The following PROM2 variants were observed in gnomAD, a reference collection of about 807,000 sequenced individuals.
PROM2 encodes the protein prominin 2.
A neutral mutation model predicts 110.2 loss-of-function variants in PROM2; 90 were observed. The ratio of observed to expected loss-of-function variants is 0.82; its 90% confidence interval spans 0.69 to 0.97. The LOEUF is 0.97. PROM2 is among the 50% of genes least tolerant of loss of function. The pLI is 0.00. For missense variants in PROM2, 1,009 were observed against 1,074.8 expected, an observed-to-expected ratio of 0.94 and a Z score of 0.86; for synonymous variants, 470 against 467.8, an observed-to-expected ratio of 1.00 and a Z score of -0.06.
chr2:95,284,465 T>C (rs987307170), intron 14 of PROM2, among the ~76,000 whole-genome samples: 33 of 150,860 alleles, frequency 2.2e-4, no homozygotes, highest in Admixed American at 2.2e-3. Flanking sequence ...CCCTCCAGCC[T>C]GGGCAACAGA....
chr2:95,276,538 G>A lies in PROM2; in HGVS notation c.619-56G>A, dbSNP rs1380792757. 1.9e-6 allele frequency: 3 copies of A among 1,611,958 alleles called. No homozygotes were observed. The highest frequency in any genetic ancestry group is 2.5e-6 in the Non-Finnish European group (3 of 1,178,158). ...CAGGGAAGGGGCCAGGGAGAGAAGG[G>A]CGTAAGGACTGTGGGTGACCAGGAA... On this transcript the variant is annotated intron_variant, in intron 4 of 23. Transcript: ENST00000317620. This position sits in a 1 kb window ranked among gnomAD's most constrained non-coding sequence, Gnocchi z 4.6.
At chr2:95,278,656 T>TG in intron 8 of PROM2, 65 bp from the exon 9 acceptor site, 1 of 1,594,466 alleles carries the variant, frequency 6.3e-7, no homozygotes, top group South Asian at 1.1e-5. Context: ...CTGGTGACTT[T>TG]GGGGTCTCCC....
chr2:95,280,924 G>A (rs1313277608), intron 11 of PROM2, among the ~76,000 whole-genome samples: 3 of 152,178 alleles, frequency 2.0e-5, no homozygotes, highest in African/African-American at 7.2e-5. Context: ...ACCTCCCAAA[G>A]TGCTGGGATT....
chr2:95,284,433 G>A (rs1445578253), intron 14 of PROM2, among the ~76,000 whole-genome samples: 4 of 152,042 alleles, frequency 2.6e-5, no homozygotes, highest in Admixed American at 2.6e-4. Context: ...CTAGGCTTCA[G>A]TGAGCTGTGA....
rs1453528215 is a variant in PROM2 at position 95,289,532 on chromosome 2, G to C, written c.*319G>C. The C allele has an allele frequency of 6.4e-6, 1 of 155,240 alleles. No homozygotes were observed. Among genetic ancestry groups the C allele is most frequent in the Non-Finnish European group, 1.4e-5 (1 of 70,300 alleles). The allele number at this position is 155,240 out of a possible 1,614,324, so 9.6% of individuals were successfully genotyped here. A position where few individuals can be genotyped will look rare whatever the true frequency, so the allele number is the denominator to read the frequency against. ...CCTGTTCTCCACCTGCTGGAGCCTGGACCCTGGGGTGGGACAGAGGCCTCG... is the reference window on the plus strand; with the variant it reads ...CCTGTTCTCCACCTGCTGGAGCCTGCACCCTGGGGTGGGACAGAGGCCTCG... On this transcript the variant is annotated 3_prime_UTR_variant, in exon 24 of 24. Transcript: ENST00000317620.
rs755665125 is a variant in PROM2, at chr2:95,279,993, A to G, written c.1423A>G (p.Met475Val). The G allele has an allele frequency of 1.4e-6, 2 of 1,450,512 alleles. No homozygotes were observed. The highest frequency in any genetic ancestry group is 5.0e-5 in the Admixed American group (2 of 39,996). 89.9% of individuals were successfully genotyped at this position (1,450,512 alleles called of 1,614,324 possible). ...GGGCGAGGCTGGAGCCCGCTTCCTC[A>G]TGGCGTAAGAAAGGGCTGGGAGAGG... ...AKGEAGARFL[M>V]AGVGLSFLFA... The change falls in exon 11 of 24, where the codon ATG (methionine) becomes GTG (valine). Residue 475 changes from methionine to valine, a missense_variant. Physicochemically the swap from Met to Val is conservative, Grantham distance 21 (BLOSUM62 1). Transcript: ENST00000317620.
Position 95,285,133 on chromosome 2 carries a change from C to A in PROM2, c.1875+18C>A. 3.3e-6 allele frequency: 5 copies of A among 1,534,814 alleles called. No individual in the cohort carries two copies. The highest frequency in any genetic ancestry group is 4.4e-6 in the Non-Finnish European group (5 of 1,135,718). On this transcript the variant is annotated intron_variant, in intron 15 of 23. Transcript: ENST00000317620. ...TCGTTCAGGTCAGCGGTGGGCACCT[C>A]AGCAGGGCTTCCTCAGCAGGTGGTG...
chr2:95,286,599 G>C, intron 17 of PROM2, 28 bp downstream of exon 17: 1 of 1,599,428 alleles, frequency 6.3e-7, no homozygotes, highest in Non-Finnish European at 8.6e-7. Context: ...GGGAGCCTGG[G>C]GCCTGGGGGA....
At position 95,287,463 on chromosome 2, in the gene PROM2, A is replaced by AG; in HGVS notation, c.2244+1dup. On this transcript the variant is annotated frameshift_variant and splice_region_variant, in exon 20 of 24. Coordinates refer to ENST00000317620, the MANE Select transcript of PROM2 (RefSeq NM_001165978.3). LOFTEE classifies it high-confidence loss of function. ...CAGTACGTGGCCTGGGTGAGAGAGGAGGTGAGTGGGGCCTCAGAAGCAATG... is the reference window on the plus strand; with the variant it reads ...CAGTACGTGGCCTGGGTGAGAGAGGAGGGTGAGTGGGGCCTCAGAAGCAATG... The AG allele has an allele frequency of 6.2e-7, 1 of 1,613,638 alleles. No individual in the cohort carries two copies. The highest frequency in any genetic ancestry group is 8.5e-7 in the Non-Finnish European group (1 of 1,179,822).
chr2:95,284,961 T>C lies in PROM2; in HGVS notation c.1729-8T>C. ...GGCATGACTCCCACCCTGCGCCTGC[T>C]CTCCCAGTATACCAACAAGCTACGG... On this transcript the variant is annotated splice_polypyrimidine_tract_variant and splice_region_variant and intron_variant, in intron 14 of 23. Coordinates refer to ENST00000317620, the MANE Select transcript of PROM2 (RefSeq NM_001165978.3). The C allele has an allele frequency of 6.2e-7, 1 of 1,608,322 alleles. No individual in the cohort carries two copies. The highest frequency in any genetic ancestry group is 8.5e-7 in the Non-Finnish European group (1 of 1,177,144).
rs754298284 is a variant in PROM2 at position 95,279,164 on chromosome 2, G to T, written c.1274+20G>T. The T allele has an allele frequency of 7.4e-7, 1 of 1,342,702 alleles. No individual in the cohort carries two copies. The highest frequency in any genetic ancestry group is 1.5e-5 in the South Asian group (1 of 68,872). The allele number at this position is 1,342,702 out of a possible 1,614,324, so 83.2% of individuals were successfully genotyped here. A position where few individuals can be genotyped will look rare whatever the true frequency, so the allele number is the denominator to read the frequency against. ...CTACAGGTGCTGGGCACCGCAGGGT[G>T]GGATGGGGTGGGGTGGGGTGGGCAG... is the stretch of plus-strand genomic sequence containing the variant. On this transcript the variant is annotated intron_variant, in intron 10 of 23. Coordinates refer to ENST00000317620, the MANE Select transcript of PROM2 (RefSeq NM_001165978.3).
chr2:95,274,890 G>T (rs1676557751), intron 1 of PROM2, 61 bp downstream of exon 1: 9 of 1,487,388 alleles, frequency 6.1e-6, no homozygotes, highest in Non-Finnish European at 8.0e-6. Flanking sequence ...GGCTTCCTCT[G>T]TCCCACTCTA....
chr2:95,285,378 C>T (rs563774069), intron 15 of PROM2, among the ~76,000 whole-genome samples: 3 of 152,212 alleles, frequency 2.0e-5, no homozygotes, highest in South Asian at 2.1e-4. Flanking sequence ...CCACTGCTGC[C>T]GAGGACGCAT....
At chr2:95,278,346 A>G (rs1676802950) in intron 8 of PROM2, 6 of 522,384 alleles carry the variant, frequency 1.1e-5, no homozygotes, top group Non-Finnish European at 2.1e-5. Context: ...GAGCTGGGGA[A>G]ATGATGAGTC....
Position 95,276,859 on chromosome 2 carries a change from C to T in PROM2, c.683-113C>T, listed in dbSNP as rs1234423901. 5 of 1,236,664 alleles carry T rather than the reference C, an allele frequency of 4.0e-6. No homozygotes were observed. The highest frequency in any genetic ancestry group is 4.6e-6 in the Non-Finnish European group (4 of 872,394). The allele number at this position is 1,236,664 out of a possible 1,614,324, so 76.6% of individuals were successfully genotyped here. A position where few individuals can be genotyped will look rare whatever the true frequency, so the allele number is the denominator to read the frequency against. ...GCCGTGTCCCCGCTCCTTCACTCCC[C>T]TCCACCCCCCGGCTCCTGCAGAGCC... On this transcript the variant is annotated intron_variant, in intron 5 of 23. Coordinates refer to ENST00000317620, the MANE Select transcript of PROM2 (RefSeq NM_001165978.3). The surrounding 1 kb of genome is among the most constrained non-coding windows in gnomAD (Gnocchi z 4.6).
intron 14 of PROM2, among the ~76,000 whole-genome samples, chr2:95,283,271 G>A (rs1677153864): frequency 6.6e-6 from 1 of 152,198 alleles, no homozygotes; most frequent in Non-Finnish European, 1.5e-5. Context: ...GAGGAGTCCT[G>A]GGCTCTGGTC....
Position 95,276,265 on chromosome 2 carries a change from C to G in PROM2, c.536C>G (p.Thr179Arg), listed in dbSNP as rs142270551. The G allele has an allele frequency of 2.5e-6, 4 of 1,613,824 alleles. No homozygotes were observed. In the South Asian group the frequency reaches 3.3e-5, roughly 13 times the overall value. ...TGTGCCTTTGTCACCAACCAGCGCA[C>G]GCATGAACAGATGGGCCCCAGCATC... ...VVCAFVTNQR[T>R]HEQMGPSIEA... is the part of the protein sequence containing the mutation. The change falls in exon 4 of 24, where the codon ACG (threonine) becomes AGG (arginine). Residue 179 changes from threonine to arginine, a missense_variant. Coordinates refer to ENST00000317620, the MANE Select transcript of PROM2 (RefSeq NM_001165978.3). This position sits in a 1 kb window ranked among gnomAD's most constrained non-coding sequence, Gnocchi z 4.6.
rs1345735816 is a variant in PROM2, at chr2:95,276,752, C to A, written c.682+95C>A. The A allele has an allele frequency of 1.4e-6, 2 of 1,385,732 alleles. No individual in the cohort carries two copies. The highest frequency in any genetic ancestry group is 2.0e-6 in the Non-Finnish European group (2 of 986,858). The allele number at this position is 1,385,732 out of a possible 1,614,324, so 85.8% of individuals were successfully genotyped here. A position where few individuals can be genotyped will look rare whatever the true frequency, so the allele number is the denominator to read the frequency against. On this transcript the variant is annotated intron_variant, in intron 5 of 23. Transcript: ENST00000317620. The surrounding 1 kb of genome is among the most constrained non-coding windows in gnomAD (Gnocchi z 4.6). ...GCCTCTCACTCCCTCATTCTGGACACCCCCGGGAACAGGCTGGTAGAGGTG... is the reference window on the plus strand; with the variant it reads ...GCCTCTCACTCCCTCATTCTGGACAACCCCGGGAACAGGCTGGTAGAGGTG...
At chr2:95,288,910 ACT>A (rs754152612) in intron 22 of PROM2, 21 bp from the exon 23 acceptor site, 2 of 1,610,930 alleles carry the variant, frequency 1.2e-6, no homozygotes, top group African/African-American at 2.7e-5. Flanking sequence ...GGGTATGCTC[ACT>A]CTCTGTCTTT....
Sources: allele counts gnomAD v4.1 joint callset (sites outside exome capture counted in the v4.1 genomes callset), GRCh38; gene constraint gnomAD v4.1.1; non-coding constraint Gnocchi (gnomAD v3.1); transcripts MANE v1.5; gene names NCBI Gene and HGNC (gene_info 2026-07-23, HGNC 2026-07-21).